Variants in DNAH14 observed in about 807,000 individuals in gnomAD.
DNAH14 encodes dynein axonemal heavy chain 14, also known as axonemal beta dynein heavy chain 14.
In DNAH14, 478 loss-of-function variants were observed where a neutral mutation model predicts 520.9. That is an observed-to-expected ratio of 0.92 (90% CI 0.85 to 0.99). The LOEUF (loss-of-function observed/expected upper bound fraction) is 0.99, where lower values mean the gene tolerates loss of function less well. Among genes scored for constraint, DNAH14 ranks in the 50% least tolerant of loss-of-function variants. The pLI is 0.00. For synonymous variants in DNAH14, 1,581 were observed against 1,757.2 expected (o/e 0.90, Z 2.51); for missense variants, 4,831 against 5,234.5 (o/e 0.92, Z 2.38).
At chr1:225,126,217 A>G (rs949491785) in intron 27 of DNAH14, among the ~76,000 whole-genome samples, 1 of 152,142 alleles carries the variant, frequency 6.6e-6, no homozygotes, top group African/African-American at 2.4e-5. Flanking sequence ...AACACATACT[A>G]TTGGAAAAAA....
intron 12 of DNAH14, among the ~76,000 whole-genome samples, chr1:225,041,026 A>G (rs2067430833): frequency 6.6e-6 from 1 of 152,198 alleles, no homozygotes; most frequent in African/African-American, 2.4e-5. Flanking sequence ...TCACGCATCT[A>G]TTTCATATAT....
Position 225,207,265 on chromosome 1 carries a change from G to A in DNAH14, c.6439+45G>A, listed in dbSNP as rs538888031. The A allele has an allele frequency of 2.6e-4, 366 of 1,421,278 alleles. 3 individuals carry two copies. The South Asian group carries it at 5.3e-3, about 21-fold the overall frequency. 88.0% of individuals were successfully genotyped at this position (1,421,278 alleles called of 1,614,324 possible). Reference sequence around the variant, plus strand: ...TCATATCAATGATATATCTTAGCTAGTCAATGCTAATTCATCACCGTCTAT... The same window carrying A: ...TCATATCAATGATATATCTTAGCTAATCAATGCTAATTCATCACCGTCTAT... On this transcript the variant is annotated intron_variant, in intron 41 of 85. Transcript: ENST00000682510.
intron 17 of DNAH14, among the ~76,000 whole-genome samples, chr1:225,078,852 CTCTCTCCCTCTCTCTCTCTCTCTCTCTCT>C (rs2072714806): frequency 2.4e-5 from 1 of 42,552 alleles, no homozygotes; most frequent in Non-Finnish European, 4.6e-5. Context: ...CCCTCTCTCT[CTCTCTCCCTCTCTCTCTCTCTCTCTCTCT>C]CTCTCTCTCT....
intron 36 of DNAH14, among the ~76,000 whole-genome samples, chr1:225,177,041 C>T (rs1004928361): frequency 1.3e-5 from 2 of 152,084 alleles, no homozygotes; most frequent in African/African-American, 4.8e-5. Context: ...TTTGAAACTT[C>T]CTAGAGACTT....
At chr1:225,337,879 CTT>C (rs956739038) in intron 67 of DNAH14, among the ~76,000 whole-genome samples, 180 bp from the exon 68 acceptor site, 19 of 151,886 alleles carry the variant, frequency 1.3e-4, no homozygotes, top group African/African-American at 3.9e-4. Context: ...GAATTATACT[CTT>C]AGTTATTTTT....
At chr1:225,307,608 T>C in intron 59 of DNAH14, 39 bp downstream of exon 59, 2 of 1,457,896 alleles carry the variant, frequency 1.4e-6, no homozygotes, top group Non-Finnish European at 1.8e-6. Flanking sequence ...GATTTTATAG[T>C]CTAATATAGA....
intron 1 of DNAH14, among the ~76,000 whole-genome samples, chr1:224,944,226 A>AT: frequency 6.6e-6 from 1 of 152,274 alleles, no homozygotes; most frequent in East Asian, 1.9e-4. Context: ...TTCTTGTTGA[A>AT]TTGATCCCTT....
chr1:225,167,873 G>T, intron 35 of DNAH14, 66 bp from the exon 36 acceptor site: 1 of 916,722 alleles, frequency 1.1e-6, no homozygotes, highest in Non-Finnish European at 1.6e-6. Context: ...GAGAGATTTT[G>T]GAAGATAAAA....
intron 36 of DNAH14, among the ~76,000 whole-genome samples, 178 bp from the exon 37 acceptor site, chr1:225,185,113 A>G (rs1467569235): frequency 6.6e-6 from 1 of 152,066 alleles, no homozygotes; most frequent in Non-Finnish European, 1.5e-5. Context: ...ATCAATGTAA[A>G]AAAAAAAAAT....
At chr1:225,017,113 T>C (rs1211077410) in intron 10 of DNAH14, among the ~76,000 whole-genome samples, 1 of 152,078 alleles carries the variant, frequency 6.6e-6, no homozygotes, top group Non-Finnish European at 1.5e-5. Flanking sequence ...TAGTTTCTTG[T>C]TTTTCAAGAT....
rs796436265 is a variant in DNAH14 at position 225,214,380 on chromosome 1, G to C, written c.6439+7160G>C. Among the ~76,000 whole-genome samples the C allele has an allele frequency of 2.0e-5, 3 of 152,034 alleles. No individual in the cohort carries two copies. The South Asian group carries it at 6.2e-4, about 32-fold the overall frequency. Reference sequence around the variant, plus strand: ...TGGTCTAAAATTCTCTTTTTTGGTTGTGTCTCTGCCCAGCTTTGGTATCAG... The same window carrying C: ...TGGTCTAAAATTCTCTTTTTTGGTTCTGTCTCTGCCCAGCTTTGGTATCAG... On this transcript the variant is annotated intron_variant, in intron 41 of 85. Transcript: ENST00000682510.
At chr1:225,241,666 C>T (rs2091974192) in intron 43 of DNAH14, among the ~76,000 whole-genome samples, 1 of 152,204 alleles carries the variant, frequency 6.6e-6, no homozygotes, top group Non-Finnish European at 1.5e-5. Flanking sequence ...TGTTACTCTA[C>T]TGAATACTGT....
At chr1:225,095,610 C>T (rs996616917) in intron 21 of DNAH14, among the ~76,000 whole-genome samples, 4 of 152,176 alleles carry the variant, frequency 2.6e-5, no homozygotes, top group Non-Finnish European at 1.5e-5. Context: ...ACGCAATTTA[C>T]TTGTATAACC....
At chr1:225,344,903 A>C (rs2095263443) in intron 69 of DNAH14, among the ~76,000 whole-genome samples, 2 of 151,914 alleles carry the variant, frequency 1.3e-5, no homozygotes, top group Non-Finnish European at 1.5e-5. Flanking sequence ...TTAGTAAAGA[A>C]GGGTTTTCAC....
At chr1:225,206,293 C>A in intron 40 of DNAH14, 114 bp downstream of exon 40, 2 of 944,434 alleles carry the variant, frequency 2.1e-6, no homozygotes, top group Non-Finnish European at 3.1e-6. Context: ...TATCCAGCAG[C>A]ATGAACTCAA....
rs556318041 is a variant in DNAH14, at chr1:225,308,308, A to G, written c.9138A>G (p.Lys3046=). 1 of 1,539,666 alleles carries G rather than the reference A, an allele frequency of 6.5e-7. No homozygotes were observed. Among genetic ancestry groups the G allele is most frequent in the South Asian group, 1.2e-5 (1 of 80,076 alleles). Residue 3046 remains lysine (K), a synonymous_variant, in exon 60 of 86, where the codon AAA becomes AAG. Coordinates refer to ENST00000682510, the MANE Select transcript of DNAH14 (RefSeq NM_001367479.1). ...KTKETETLME[K]LRKDSQVVEK... Reference sequence around the variant, plus strand: ...AGGAAACAGAAACTCTAATGGAAAAACTACGGAAAGATTCACAAGTAGTTG... The same window carrying G: ...AGGAAACAGAAACTCTAATGGAAAAGCTACGGAAAGATTCACAAGTAGTTG...
Position 225,266,627 on chromosome 1 carries a change from T to C in DNAH14, c.7411-14T>C, listed in dbSNP as rs1251872781. 1 of 1,456,694 alleles carries C rather than the reference T, an allele frequency of 6.9e-7. No homozygotes were observed. Among genetic ancestry groups the C allele is most frequent in the African/African-American group, 1.5e-5 (1 of 67,806 alleles). The allele number at this position is 1,456,694 out of a possible 1,614,324, so 90.2% of individuals were successfully genotyped here. A position where few individuals can be genotyped will look rare whatever the true frequency, so the allele number is the denominator to read the frequency against. On this transcript the variant is annotated splice_polypyrimidine_tract_variant and intron_variant, in intron 48 of 85. Coordinates refer to ENST00000682510, the MANE Select transcript of DNAH14 (RefSeq NM_001367479.1). ...TACTAATATATATGTTTAAAACCTT[T>C]TGTCTTTCTTAAGATTCTAATATTT...
Position 225,399,201 on chromosome 1 carries a change from A to G in DNAH14, c.13786A>G (p.Thr4596Ala), listed in dbSNP as rs1259471137. ...TNFLTSVYLS[T>A]KKPPSHWITM... Reference sequence around the variant, plus strand: ...CTTTTTAACATCAGTGTATTTATCAACGAAGAAACCTCCTAGTCACTGGAT... The same window carrying G: ...CTTTTTAACATCAGTGTATTTATCAGCGAAGAAACCTCCTAGTCACTGGAT... The change falls in exon 86 of 86, where the codon ACG becomes GCG. Residue 4596 changes from threonine (T) to alanine (A), a missense_variant. Physicochemically the swap from Thr to Ala is moderately conservative, Grantham distance 58 (BLOSUM62 0). Transcript: ENST00000682510. The G allele has an allele frequency of 1.9e-6, 3 of 1,551,752 alleles. No individual in the cohort carries two copies. The highest frequency in any genetic ancestry group is 2.6e-6 in the Non-Finnish European group (3 of 1,146,996).
chr1:225,383,167 T>C (rs867283125), intron 81 of DNAH14, among the ~76,000 whole-genome samples: 1 of 152,224 alleles, frequency 6.6e-6, no homozygotes, highest in Admixed American at 6.5e-5. Flanking sequence ...ATTTGTACAC[T>C]TTAAATAAGT....
Sources: gnomAD v4.1 joint callset for allele counts (sites outside exome capture counted in the v4.1 genomes callset) on GRCh38, gnomAD v4.1.1 for gene constraint, MANE v1.5 for transcripts, NCBI Gene and HGNC (gene_info 2026-07-23, HGNC 2026-07-21) for gene names.